The following PLA2R1 variants were observed in gnomAD, a reference collection of about 807,000 sequenced individuals.
The protein encoded by PLA2R1 is secretory phospholipase A2 receptor.
In PLA2R1, 158 loss-of-function variants were observed where a neutral mutation model predicts 195.9. That is an observed-to-expected ratio of 0.81 (90% CI 0.71 to 0.92). The LOEUF is 0.92. Among genes scored for constraint, PLA2R1 ranks in the 40% least tolerant of loss-of-function variants. The pLI, the probability that PLA2R1 is intolerant of heterozygous loss-of-function variation, is 0.00. For missense variants in PLA2R1, 1,626 were observed against 1,764.6 expected, an observed-to-expected ratio of 0.92 and a Z score of 1.41; for synonymous variants, 586 against 598.2, an observed-to-expected ratio of 0.98 and a Z score of 0.30.
intron 1 of PLA2R1, among the ~76,000 whole-genome samples, chr2:160,060,400 TA>T: frequency 6.6e-6 from 1 of 152,326 alleles, no homozygotes; most frequent in East Asian, 1.9e-4. Flanking sequence ...TTCCATTTTG[TA>T]TTGACAGTAA....
chr2:160,053,676 G>A (rs922463489), intron 1 of PLA2R1, among the ~76,000 whole-genome samples: 3 of 152,204 alleles, frequency 2.0e-5, no homozygotes, highest in Non-Finnish European at 4.4e-5. Context: ...CCAGGGCCCA[G>A]GCCTCCAGTC....
chr2:159,976,690 T>C lies in PLA2R1; in HGVS notation c.2432A>G (p.Gln811Arg). Residue 811 changes from glutamine (Q) to arginine (R), a missense_variant, in exon 16 of 30, where the codon CAG becomes CGG. Gln to Arg is a conservative substitution (Grantham distance 43). Transcript: ENST00000283243. The part of the protein sequence containing the change: ...DVKPKIPFWY[Q>R]YDVPWLFYQD... Reference sequence around the variant, plus strand: ...GCTGCCAGAGTCATTCTTACCGTACTGGTACCAGAACGGAATCTTGGGTTT... The same window carrying C: ...GCTGCCAGAGTCATTCTTACCGTACCGGTACCAGAACGGAATCTTGGGTTT... 1 of 1,599,310 alleles carries C rather than the reference T, an allele frequency of 6.3e-7. No homozygotes were observed. Among genetic ancestry groups the C allele is most frequent in the Non-Finnish European group, 8.6e-7 (1 of 1,167,064 alleles).
intron 11 of PLA2R1, 44 bp from the exon 12 acceptor site, chr2:159,987,402 C>T (rs746787817): frequency 6.4e-6 from 9 of 1,403,412 alleles, no homozygotes; most frequent in South Asian, 2.4e-5. Context: ...ACGACTAAAA[C>T]GTTTTGTGCT....
At chr2:160,020,951 G>A (rs903458749) in intron 7 of PLA2R1, among the ~76,000 whole-genome samples, 1 of 152,136 alleles carries the variant, frequency 6.6e-6, no homozygotes. Flanking sequence ...TTGGATTCCT[G>A]GGGCTCTGGT....
intron 20 of PLA2R1, among the ~76,000 whole-genome samples, chr2:159,963,422 CA>C (rs1688580077): frequency 6.6e-6 from 1 of 152,052 alleles, no homozygotes; most frequent in African/African-American, 2.4e-5. Flanking sequence ...TTTTGTGCAT[CA>C]AAGGACATTA....
rs556872435 is a variant in PLA2R1 at position 159,989,867 on chromosome 2, T to C, written c.1835-2509A>G. Among the ~76,000 whole-genome samples the C allele has an allele frequency of 4.6e-5, 7 of 152,350 alleles. No individual in the cohort carries two copies. The East Asian group carries it at 1.3e-3, about 29-fold the overall frequency. On this transcript the variant is annotated intron_variant, in intron 11 of 29. Coordinates refer to ENST00000283243, the MANE Select transcript of PLA2R1 (RefSeq NM_007366.5). Reference sequence around the variant, plus strand: ...ACTTTTTTGTTGGTCTTGCATTTTGTCTCACTTTCCCACACCAGACAATGA... The same window carrying C: ...ACTTTTTTGTTGGTCTTGCATTTTGCCTCACTTTCCCACACCAGACAATGA...
intron 20 of PLA2R1, among the ~76,000 whole-genome samples, chr2:159,964,007 AAAT>A (rs1369455012): frequency 6.6e-6 from 1 of 152,148 alleles, no homozygotes; most frequent in Non-Finnish European, 1.5e-5. Context: ...TGAATAAACA[AAAT>A]ATGCAATATT....
At chr2:160,003,997 TA>T (rs1422690567) in intron 11 of PLA2R1, among the ~76,000 whole-genome samples, 2 of 152,206 alleles carry the variant, frequency 1.3e-5, no homozygotes, top group African/African-American at 4.8e-5. Flanking sequence ...TATATCCATT[TA>T]AAAAGTACAT....
chr2:159,986,617 C>T (rs115108518), intron 12 of PLA2R1, among the ~76,000 whole-genome samples: 4,701 of 150,150 alleles, frequency 0.031, 88 homozygotes, highest in East Asian at 0.052. Context: ...TATAGAGACT[C>T]GCTGTGTCAC....
downstream of PLA2R1, among the ~76,000 whole-genome samples, chr2:159,929,824 T>C (rs553515202): frequency 4.0e-4 from 60 of 151,416 alleles, no homozygotes; most frequent in African/African-American, 1.4e-3. Flanking sequence ...TATATGTATA[T>C]ATATGTGCAT....
At chr2:160,030,750 A>ATTCT (rs578207629) in intron 4 of PLA2R1, among the ~76,000 whole-genome samples, 177 of 152,352 alleles carry the variant, frequency 1.2e-3, no homozygotes, top group African/African-American at 3.4e-3. Flanking sequence ...ATTAGCAAGA[A>ATTCT]ACATTAGACT....
chr2:159,963,180 G>T (rs1688566731), intron 20 of PLA2R1, among the ~76,000 whole-genome samples: 1 of 152,160 alleles, frequency 6.6e-6, no homozygotes, highest in African/African-American at 2.4e-5. Flanking sequence ...TAGAGACCAT[G>T]CCAGGATAAA....
chr2:160,001,568 C>T (rs940654715), intron 11 of PLA2R1, among the ~76,000 whole-genome samples: 3 of 151,854 alleles, frequency 2.0e-5, no homozygotes, highest in African/African-American at 7.3e-5. Flanking sequence ...ATAAGTGATA[C>T]ATTAACTCTA....
chr2:159,946,363 C>T, intron 27 of PLA2R1: 1 of 985,094 alleles, frequency 1.0e-6, no homozygotes, highest in African/African-American at 1.7e-5. Flanking sequence ...TACCATGCTT[C>T]CATTTTATTA....
At position 160,020,333 on chromosome 2, in the gene PLA2R1, T is replaced by A. The variant is rs1693027221; in HGVS notation, c.1295-70A>T. On this transcript the variant is annotated intron_variant, in intron 7 of 29. Transcript: ENST00000283243. ...CAAAGGAGATAACACCCTGGAGTTA[T>A]TACTAAAATATACCACTTCACATGT... 3 of 954,408 alleles carry A rather than the reference T, an allele frequency of 3.1e-6. No individual in the cohort carries two copies. The African/African-American group carries it at 4.9e-5, about 16-fold the overall frequency. 59.1% of individuals were successfully genotyped at this position (954,408 alleles called of 1,614,324 possible).
In PLA2R1 at chr2:159,938,718, T is replaced by C. The variant is rs1686945602; in HGVS notation, c.*3060A>G. 6.6e-6 allele frequency: 1 copy of C among 152,254 alleles called. No homozygotes were observed. Among genetic ancestry groups the C allele is most frequent in the African/African-American group, 2.4e-5 (1 of 41,448 alleles). 9.4% of individuals were successfully genotyped at this position (152,254 alleles called of 1,614,324 possible). On this transcript the variant is annotated 3_prime_UTR_variant, in exon 30 of 30. Coordinates refer to ENST00000283243, the MANE Select transcript of PLA2R1 (RefSeq NM_007366.5). ...CAGCTAACATACATCCACAGTAAGT[T>C]GTCACCTTCTCCCCTCAACACTACC...
chr2:159,946,110 G>A, intron 27 of PLA2R1: 2 of 789,092 alleles, frequency 2.5e-6, no homozygotes, highest in Non-Finnish European at 3.1e-6. Context: ...CCATGTGTGG[G>A]CAATAGTGTA....
At chr2:159,996,010 A>C (rs1050731878) in intron 11 of PLA2R1, among the ~76,000 whole-genome samples, 1 of 152,056 alleles carries the variant, frequency 6.6e-6, no homozygotes, top group Non-Finnish European at 1.5e-5. Flanking sequence ...CTATCTATCT[A>C]TCTCACCTAT....
intron 19 of PLA2R1, 120 bp downstream of exon 19, chr2:159,969,136 G>A (rs901261522): frequency 3.4e-6 from 2 of 595,162 alleles, no homozygotes; most frequent in African/African-American, 1.9e-5. Flanking sequence ...AACTGAACAC[G>A]TCAACTGAAA....
Sources: allele counts gnomAD v4.1 joint callset (sites outside exome capture counted in the v4.1 genomes callset), GRCh38; gene constraint gnomAD v4.1.1; transcripts MANE v1.5; gene names NCBI Gene and HGNC (gene_info 2026-07-23, HGNC 2026-07-21).